Variants in SCD5 observed in about 807,000 individuals in gnomAD.
The protein encoded by SCD5 is stearoyl-CoA desaturase 5.
Under a neutral mutation model 30.4 loss-of-function variants are expected in SCD5, and 20 were observed. The ratio of observed to expected loss-of-function variants is 0.66; its 90% CI spans 0.46 to 0.96. The LOEUF is 0.96. Ranked by LOEUF, SCD5 falls within the 40% of genes least tolerant of loss-of-function variation. SCD5 has a pLI of 0.00. For synonymous variants in SCD5, 173 were observed against 176.4 expected (o/e 0.98, Z 0.16); for missense variants, 381 against 443.3 (o/e 0.86, Z 1.26).
At chr4:82,730,585 C>CTTTT (rs397935360) in intron 1 of SCD5, among the ~76,000 whole-genome samples, 36 of 114,648 alleles carry the variant, frequency 3.1e-4, no homozygotes, top group African/African-American at 7.1e-4. Context: ...TTTTTCCCTT[C>CTTTT]TTTTTTTTTT....
At chr4:82,769,834 A>C (rs13130072) in intron 1 of SCD5, among the ~76,000 whole-genome samples, 3,273 of 152,266 alleles carry the variant, frequency 0.021, 58 homozygotes, top group Middle Eastern at 0.085. Flanking sequence ...ATAGATGGTT[A>C]ATCTAGATAA....
chr4:82,714,988 G>C (rs948304969), intron 1 of SCD5, among the ~76,000 whole-genome samples: 2 of 151,808 alleles, frequency 1.3e-5, no homozygotes, highest in African/African-American at 4.9e-5. Flanking sequence ...TGTTATCCCA[G>C]CACTTTGGGA....
rs184504487 is a variant in SCD5, at chr4:82,730,329, G to A, written c.233-24916C>T. ...TATATATTTTTTGAGGCAGAGTCTC[G>A]CTCTGTCACCCAGCTGGAGTCCAGT... On this transcript the variant is annotated intron_variant, in intron 1 of 4. Coordinates refer to ENST00000319540, the MANE Select transcript of SCD5 (RefSeq NM_001037582.3). Among the ~76,000 whole-genome samples, 1,111 of 148,178 alleles carry A rather than the reference G, an allele frequency of 7.5e-3. 22 individuals are homozygous for A. The highest frequency in any genetic ancestry group is 0.024 in the African/African-American group (985 of 40,454).
At chr4:82,682,102 A>C (rs1728589609) in intron 2 of SCD5, among the ~76,000 whole-genome samples, 1 of 152,196 alleles carries the variant, frequency 6.6e-6, no homozygotes, top group South Asian at 2.1e-4. Flanking sequence ...CCAAGTGGAG[A>C]GGCAGCAGTG....
At chr4:82,670,262 C>G (rs898676143) in intron 3 of SCD5, among the ~76,000 whole-genome samples, 1 of 151,800 alleles carries the variant, frequency 6.6e-6, no homozygotes, top group Non-Finnish European at 1.5e-5. Context: ...CTGTAACAGA[C>G]ACAGTAGGTA....
chr4:82,763,072 C>T (rs1459264840), intron 1 of SCD5, among the ~76,000 whole-genome samples: 1 of 152,212 alleles, frequency 6.6e-6, no homozygotes, highest in African/African-American at 2.4e-5. Flanking sequence ...AGCCCCAAGG[C>T]ACTGTTCCTG....
intron 3 of SCD5, among the ~76,000 whole-genome samples, chr4:82,648,055 C>T (rs1480612601): frequency 2.0e-5 from 3 of 152,192 alleles, no homozygotes; most frequent in Non-Finnish European, 2.9e-5. Context: ...CTCAAGTCCA[C>T]GAAAAGAGAG....
chr4:82,790,725 A>C (rs1414612800), intron 1 of SCD5, among the ~76,000 whole-genome samples: 1 of 152,168 alleles, frequency 6.6e-6, no homozygotes, highest in African/African-American at 2.4e-5. Flanking sequence ...AGTAAGTAAT[A>C]AATATTGTTG....
At chr4:82,736,563 G>C (rs565042280) in intron 1 of SCD5, among the ~76,000 whole-genome samples, 2 of 151,946 alleles carry the variant, frequency 1.3e-5, no homozygotes, top group Non-Finnish European at 2.9e-5. Context: ...AGCCCAGATC[G>C]CGCCATTGCA....
intron 3 of SCD5, among the ~76,000 whole-genome samples, chr4:82,638,682 C>T (rs1468628239): frequency 6.6e-6 from 1 of 152,168 alleles, no homozygotes; most frequent in Non-Finnish European, 1.5e-5. Context: ...GGCGCTGTTA[C>T]ATCCGTGCCA....
intron 1 of SCD5, among the ~76,000 whole-genome samples, chr4:82,730,670 C>A (rs1720621150): frequency 6.8e-6 from 1 of 147,500 alleles, no homozygotes; most frequent in South Asian, 2.1e-4. Flanking sequence ...ACTGCATGCT[C>A]TGCCTCCCGG....
intron 1 of SCD5, among the ~76,000 whole-genome samples, chr4:82,774,888 A>G (rs903018970): frequency 2.6e-5 from 4 of 152,202 alleles, no homozygotes; most frequent in African/African-American, 7.2e-5. Flanking sequence ...AGAGGCACCA[A>G]CAGGGGAGAA....
intron 1 of SCD5, among the ~76,000 whole-genome samples, chr4:82,719,967 A>T (rs1415882055): frequency 1.3e-5 from 2 of 151,584 alleles, no homozygotes; most frequent in Admixed American, 1.3e-4. Context: ...ACGCCCAGCT[A>T]ATTTTTGCAT....
chr4:82,759,027 C>T (rs1387059091), intron 1 of SCD5, among the ~76,000 whole-genome samples: 1 of 152,260 alleles, frequency 6.6e-6, no homozygotes, highest in African/African-American at 2.4e-5. Context: ...GCGCGGGTCC[C>T]TGGTCACCCC....
At chr4:82,742,692 C>T (rs895467714) in intron 1 of SCD5, among the ~76,000 whole-genome samples, 1 of 152,194 alleles carries the variant, frequency 6.6e-6, no homozygotes, top group Non-Finnish European at 1.5e-5. Context: ...GTGGCTGAGG[C>T]ATGAGAATCG....
At chr4:82,774,641 TC>T (rs1398620696) in intron 1 of SCD5, among the ~76,000 whole-genome samples, 2 of 152,102 alleles carry the variant, frequency 1.3e-5, no homozygotes, top group Admixed American at 1.3e-4. Context: ...AAACCACTTC[TC>T]CCTGGGAGAA....
intron 3 of SCD5, among the ~76,000 whole-genome samples, chr4:82,672,738 T>C (rs1314125696): frequency 6.6e-6 from 1 of 152,080 alleles, no homozygotes; most frequent in Admixed American, 6.6e-5. Context: ...AAGACAAAGA[T>C]ATTATAAGAA....
intron 1 of SCD5, among the ~76,000 whole-genome samples, chr4:82,735,079 A>C (rs374787216): frequency 1.2e-4 from 19 of 152,280 alleles, no homozygotes; most frequent in Admixed American, 3.3e-4. Context: ...TGAGCTCAAC[A>C]ATTTTTCATT....
intron 2 of SCD5, among the ~76,000 whole-genome samples, chr4:82,702,867 A>T (rs1719883384): frequency 6.6e-6 from 1 of 152,240 alleles, no homozygotes; most frequent in East Asian, 1.9e-4. Context: ...TGGTTTAAAT[A>T]AATTGTTCTA....
Sources: allele counts gnomAD v4.1 joint callset (sites outside exome capture counted in the v4.1 genomes callset), GRCh38; gene constraint gnomAD v4.1.1; transcripts MANE v1.5; gene names NCBI Gene and HGNC (gene_info 2026-07-23, HGNC 2026-07-21).